Variants in AFG2A observed in about 807,000 individuals in gnomAD.
AFG2A encodes AAA ATPase AFG2A.
the AFG2A span, among the ~76,000 whole-genome samples, chr4:123,008,209 A>G: frequency 1.3e-5 from 2 of 152,164 alleles, no homozygotes; most frequent in East Asian, 1.9e-4. Context: ...GGGAGCTTAC[A>G]TGTAGAGATC....
At chr4:122,926,960 A>G in the AFG2A span, among the ~76,000 whole-genome samples, 3 of 152,150 alleles carry the variant, frequency 2.0e-5, no homozygotes, top group African/African-American at 4.8e-5. Flanking sequence ...AACTGGCAGC[A>G]CAGAGTGCTG....
At chr4:123,085,882 T>C in the AFG2A span, among the ~76,000 whole-genome samples, 1 of 152,052 alleles carries the variant, frequency 6.6e-6, no homozygotes, top group Non-Finnish European at 1.5e-5. Context: ...TGTTTGTTTT[T>C]CAGTTGTTAC....
chr4:123,216,778 C>T, the AFG2A span, among the ~76,000 whole-genome samples: 2 of 151,266 alleles, frequency 1.3e-5, no homozygotes, highest in African/African-American at 4.9e-5. Flanking sequence ...CCTCAGCCTT[C>T]TGAGTAGCTG....
At chr4:123,309,266 C>T in the AFG2A span, among the ~76,000 whole-genome samples, 1 of 152,172 alleles carries the variant, frequency 6.6e-6, no homozygotes, top group Non-Finnish European at 1.5e-5. Flanking sequence ...AAATTTATTG[C>T]TCACACTTCT....
chr4:123,228,620 A>G, the AFG2A span, among the ~76,000 whole-genome samples: 1 of 152,010 alleles, frequency 6.6e-6, no homozygotes, highest in Admixed American at 6.6e-5. Context: ...GATTATTTTA[A>G]TATGCATTAT....
chr4:123,067,345 C>T, the AFG2A span, among the ~76,000 whole-genome samples: 1 of 151,884 alleles, frequency 6.6e-6, no homozygotes, highest in African/African-American at 2.4e-5. Flanking sequence ...GGCGAAACCC[C>T]ATCTCTACTA....
the AFG2A span, among the ~76,000 whole-genome samples, chr4:122,965,448 G>A: frequency 6.6e-6 from 1 of 152,162 alleles, no homozygotes; most frequent in Non-Finnish European, 1.5e-5. Context: ...TCATATACAA[G>A]TCATACGTTG....
At chr4:123,100,769 C>T in the AFG2A span, among the ~76,000 whole-genome samples, 1 of 151,922 alleles carries the variant, frequency 6.6e-6, no homozygotes, top group Non-Finnish European at 1.5e-5. Context: ...ATAGTTTTCA[C>T]GCCTTGGGCT....
chr4:122,969,521 A>T, the AFG2A span, among the ~76,000 whole-genome samples: 1,835 of 152,122 alleles, frequency 0.012, 39 homozygotes, highest in African/African-American at 0.041. Context: ...ATATTTTTTT[A>T]AAAAAATGGT....
At chr4:122,951,765 T>C in the AFG2A span, among the ~76,000 whole-genome samples, 1 of 152,148 alleles carries the variant, frequency 6.6e-6, no homozygotes, top group Non-Finnish European at 1.5e-5. Flanking sequence ...CTATGCCTGC[T>C]CAAGTGCAAG....
the AFG2A span, among the ~76,000 whole-genome samples, chr4:122,924,114 C>A: frequency 0.089 from 13,623 of 152,222 alleles, 817 homozygotes; most frequent in Middle Eastern, 0.21. Flanking sequence ...ATTTAGAGTT[C>A]ACATGGTATT....
At chr4:123,138,356 A>T in the AFG2A span, among the ~76,000 whole-genome samples, 1 of 151,486 alleles carries the variant, frequency 6.6e-6, no homozygotes, top group African/African-American at 2.4e-5. Context: ...GATAATAGTT[A>T]TGTTTATGAC....
chr4:123,316,724 G>C, the AFG2A span: 1 of 152,152 alleles, frequency 6.6e-6, no homozygotes, highest in African/African-American at 2.4e-5. Flanking sequence ...CAATCAACAA[G>C]TTTAGATATT....
chr4:123,007,644 C>CAT, the AFG2A span, among the ~76,000 whole-genome samples: 55 of 29,344 alleles, frequency 1.9e-3, 1 homozygote, highest in Non-Finnish European at 3.7e-3. Flanking sequence ...ACACACACAA[C>CAT]ACACACACAC....
At chr4:122,945,138 G>A in the AFG2A span, among the ~76,000 whole-genome samples, 37 of 152,304 alleles carry the variant, frequency 2.4e-4, no homozygotes, top group South Asian at 6.4e-3. Flanking sequence ...CTCCAGCTGC[G>A]TGCTGGGAGA....
chr4:123,099,531 G>GA, the AFG2A span, among the ~76,000 whole-genome samples: 1 of 145,518 alleles, frequency 6.9e-6, no homozygotes, highest in Non-Finnish European at 1.5e-5. Context: ...GAGCCACAGA[G>GA]TTTTTTTTTT....
chr4:123,282,218 G>T, the AFG2A span, among the ~76,000 whole-genome samples: 1 of 152,130 alleles, frequency 6.6e-6, no homozygotes, highest in African/African-American at 2.4e-5. Flanking sequence ...ATTAAACAGG[G>T]TGGGAGGAAA....
At chr4:123,240,083 G>C in the AFG2A span, among the ~76,000 whole-genome samples, 3 of 152,102 alleles carry the variant, frequency 2.0e-5, no homozygotes, top group African/African-American at 7.2e-5. Flanking sequence ...AACAAAGAAG[G>C]TCATTACATA....
chr4:123,230,074 G>GCTGA, the AFG2A span, among the ~76,000 whole-genome samples: 6 of 151,942 alleles, frequency 3.9e-5, no homozygotes, highest in African/African-American at 9.7e-5. Context: ...AAAGATGACT[G>GCTGA]CTGACTGATC....
Sources: gnomAD v4.1 joint callset for allele counts (sites outside exome capture counted in the v4.1 genomes callset) on GRCh38, gnomAD v4.1.1 for gene constraint, MANE v1.5 for transcripts, NCBI Gene and HGNC (gene_info 2026-07-23, HGNC 2026-07-21) for gene names.